The following LCT variants were observed in gnomAD, a reference collection of about 807,000 sequenced individuals.
LCT encodes the protein lactase/phlorizin hydrolase.
In LCT, 90 loss-of-function variants were observed where a neutral mutation model predicts 173.0. That is an observed-to-expected ratio of 0.52 (90% CI 0.44 to 0.62). The LOEUF (loss-of-function observed/expected upper bound fraction) is 0.62. Among genes scored for constraint, LCT ranks in the 20% least tolerant of loss-of-function variants. The probability of loss-of-function intolerance (pLI) is 0.00; values close to 1 mark genes in which losing one functional copy is unlikely to be tolerated. For missense variants in LCT, 1,864 were observed against 2,431.4 expected, an observed-to-expected ratio of 0.77 and a Z score of 4.91; for synonymous variants, 853 against 957.6, an observed-to-expected ratio of 0.89 and a Z score of 2.02.
At chr2:135,812,107 A>G (rs2077738958) in intron 7 of LCT, among the ~76,000 whole-genome samples, 1 of 152,148 alleles carries the variant, frequency 6.6e-6, no homozygotes, top group Non-Finnish European at 1.5e-5. Context: ...AAATAAAACA[A>G]AAAAACCACA....
At chr2:135,814,331 T>G (rs545095278) in intron 6 of LCT, among the ~76,000 whole-genome samples, 2 of 152,086 alleles carry the variant, frequency 1.3e-5, no homozygotes, top group Non-Finnish European at 2.9e-5. Context: ...TTAGCCAGTG[T>G]CAGGAAGGGA....
chr2:135,807,263 G>A lies in LCT; in HGVS notation c.4038C>T (p.Arg1346=), dbSNP rs1369743851. ...AGTACCTGGCGGAGGCTCTTGCTGT[G>A]CGAGGCCTGTTCGTGTTGTTGAAAT... The part of the protein sequence containing the change: ...HVDFNNTNRP[R]TARASARYYT... The change falls in exon 9 of 17, where the codon CGC becomes CGT. Residue 1346 remains arginine, a synonymous_variant. Transcript: ENST00000264162. 5 of 1,614,120 alleles carry A rather than the reference G, an allele frequency of 3.1e-6. No homozygotes were observed. In the African/African-American group the frequency reaches 5.3e-5, roughly 17 times the overall value.
At chr2:135,795,033 A>ATG (rs1553651412) in intron 13 of LCT, among the ~76,000 whole-genome samples, 6 of 148,430 alleles carry the variant, frequency 4.0e-5, no homozygotes, top group Non-Finnish European at 7.5e-5. Flanking sequence ...ACACGCACCC[A>ATG]CGCGCGCGCG....
chr2:135,807,163 C>T lies in LCT; in HGVS notation c.4138G>A (p.Gly1380Ser). Reference protein sequence around the residue: ...DEFLYGRFPEGFIWSAASAAY... With the variant: ...DEFLYGRFPESFIWSAASAAY... ...GCAGAAGCTGCACTCCAGATGAAGC[C>T]CTCAGGAAACCGTCCGTACAGAAAC... The change falls in exon 9 of 17, where the codon GGC becomes AGC. Residue 1380 changes from glycine (G) to serine (S), a missense_variant. Gly to Ser is a moderately conservative substitution (Grantham distance 56). Transcript: ENST00000264162. 1 of 1,614,214 alleles carries T rather than the reference C, an allele frequency of 6.2e-7. No individual in the cohort carries two copies. The highest frequency in any genetic ancestry group is 8.5e-7 in the Non-Finnish European group (1 of 1,180,034).
At chr2:135,795,070 T>C (rs955768779) in intron 13 of LCT, among the ~76,000 whole-genome samples, 9 of 147,756 alleles carry the variant, frequency 6.1e-5, no homozygotes, top group East Asian at 2.0e-4. Context: ...CACACACACA[T>C]GCATAAACAG....
intron 3 of LCT, among the ~76,000 whole-genome samples, chr2:135,825,719 C>G (rs552264250): frequency 6.6e-6 from 1 of 152,156 alleles, no homozygotes; most frequent in Admixed American, 6.5e-5. Context: ...GGGGAGTGGC[C>G]GCTGAGGGCC....
At chr2:135,794,543 G>T (rs1035025667) in intron 14 of LCT, 98 bp downstream of exon 14, 2 of 1,279,750 alleles carry the variant, frequency 1.6e-6, no homozygotes, top group Non-Finnish European at 1.1e-6. Context: ...GGCGTTGGAG[G>T]CCCTGTTTTG....
intron 10 of LCT, 81 bp downstream of exon 10, chr2:135,804,686 T>C (rs2077654068): frequency 7.6e-7 from 1 of 1,312,868 alleles, no homozygotes; most frequent in Non-Finnish European, 1.1e-6. Context: ...CAGCATTTTG[T>C]TTACATGATA....
Position 135,800,794 on chromosome 2 carries a change from G to A in LCT, c.4679C>T (p.Pro1560Leu), listed in dbSNP as rs1463426898. Residue 1560 changes from proline to leucine, a missense_variant, in exon 12 of 17, where the codon CCT becomes CTT. By Grantham distance (98) the Pro-to-Leu change is moderately conservative. Coordinates refer to ENST00000264162, the MANE Select transcript of LCT (RefSeq NM_002299.4). Reference protein sequence around the residue: ...GTAAPGVSNRPGTAPYIVGHN... With the variant: ...GTAAPGVSNRLGTAPYIVGHN... ...GCCAACAATGTAGGGGGCAGTGCCA[G>A]GCCTATTGGAGACTCCTGGAAACAT... The A allele has an allele frequency of 1.2e-6, 2 of 1,613,836 alleles. No homozygotes were observed. The highest frequency in any genetic ancestry group is 1.7e-6 in the Non-Finnish European group (2 of 1,179,746).
intron 10 of LCT, 62 bp from the exon 11 acceptor site, chr2:135,804,190 G>T: frequency 1.5e-6 from 2 of 1,311,682 alleles, no homozygotes; most frequent in Non-Finnish European, 2.2e-6. Flanking sequence ...CCCTAGGTTA[G>T]ATGTGCCAGC....
At position 135,809,447 on chromosome 2, in the gene LCT, C is replaced by T. The variant is rs1328427364; in HGVS notation, c.2900G>A (p.Arg967Gln). Residue 967 changes from arginine to glutamine, a missense_variant, in exon 8 of 17, where the codon CGA (arginine) becomes CAA (glutamine). Physicochemically the swap from Arg to Gln is conservative, Grantham distance 43. Around this residue, in one of 4 missense-constraint regions of LCT, gnomAD observed 755 missense variants for 926.3 expected, o/e 0.82. Coordinates refer to ENST00000264162, the MANE Select transcript of LCT (RefSeq NM_002299.4). The surrounding 1 kb of genome is among the most constrained non-coding windows in gnomAD (Gnocchi z 5.5). Reference protein sequence around the residue: ...HQLDADLNMLRALKVKAYRFS... With the variant: ...HQLDADLNMLQALKVKAYRFS... Reference sequence around the variant, plus strand: ...GCGGTAGGCCTTCACCTTCAAAGCTCGGAGCATATTCAGATCGGCATCCAG... The same window carrying T: ...GCGGTAGGCCTTCACCTTCAAAGCTTGGAGCATATTCAGATCGGCATCCAG... 3 of 1,614,164 alleles carry T rather than the reference C, an allele frequency of 1.9e-6. No individual in the cohort carries two copies. Among genetic ancestry groups the T allele is most frequent in the East Asian group, 2.2e-5 (1 of 44,886 alleles).
chr2:135,805,088 T>G (rs769491072), intron 9 of LCT, 31 bp from the exon 10 acceptor site: 2 of 1,608,656 alleles, frequency 1.2e-6, no homozygotes, highest in East Asian at 4.5e-5. Flanking sequence ...TCTTATTAAG[T>G]CATTCAGTCA....
intron 9 of LCT, among the ~76,000 whole-genome samples, chr2:135,806,363 G>C (rs1322817641): frequency 6.6e-6 from 1 of 152,164 alleles, no homozygotes. Flanking sequence ...AAATGTTACA[G>C]TAAGCTAAGG....
At chr2:135,833,712 T>C (rs372974043) in intron 1 of LCT, among the ~76,000 whole-genome samples, 74 of 151,696 alleles carry the variant, frequency 4.9e-4, no homozygotes, top group African/African-American at 1.6e-3. Context: ...TCCCAAAGTG[T>C]TGGGATTACA....
Position 135,796,953 on chromosome 2 carries a change from T to TG in LCT, c.4976+1075_4976+1076insC, listed in dbSNP as rs535104068. ...AGGTGGGAGCTGGATTTTTTTTTTT[T>TG]TTTTTTTTTTGAGACAAAGAGTCTT... is the stretch of plus-strand genomic sequence containing the variant. On this transcript the variant is annotated intron_variant, in intron 13 of 16. Transcript: ENST00000264162. Among the ~76,000 whole-genome samples, 475 of 150,326 alleles carry TG rather than the reference T, an allele frequency of 3.2e-3. 1 individual carries two copies. The highest frequency in any genetic ancestry group is 0.014 in the Middle Eastern group (4 of 288).
intron 7 of LCT, among the ~76,000 whole-genome samples, chr2:135,812,039 AC>A (rs1356424970): frequency 1.3e-5 from 2 of 152,142 alleles, no homozygotes; most frequent in Non-Finnish European, 2.9e-5. Context: ...TGTTTATGCC[AC>A]CGCACTCCAG....
chr2:135,809,167 C>T lies in LCT; in HGVS notation c.3180G>A (p.Trp1060Ter). The part of the protein sequence containing the change: ...FQTFGDRVKF[W>*]MTFNEPMYLA... Reference sequence around the variant, plus strand: ...GGTACATGGGCTCATTAAAAGTCATCCAAAACTTGACTCTATCACCAAAGG... The same window carrying T: ...GGTACATGGGCTCATTAAAAGTCATTCAAAACTTGACTCTATCACCAAAGG... The change falls in exon 8 of 17, where the codon TGG (tryptophan) becomes TGA (stop). Residue 1060 changes from tryptophan to a stop codon, truncating the protein, a stop_gained. Coordinates refer to ENST00000264162, the MANE Select transcript of LCT (RefSeq NM_002299.4). LOFTEE classifies it high-confidence loss of function. The surrounding 1 kb of genome is among the most constrained non-coding windows in gnomAD (Gnocchi z 5.5). 6.2e-7 allele frequency: 1 copy of T among 1,614,218 alleles called. No homozygotes were observed. The highest frequency in any genetic ancestry group is 8.5e-7 in the Non-Finnish European group (1 of 1,180,042).
In LCT at chr2:135,794,665, G is replaced by T; in HGVS notation, c.5087C>A (p.Ala1696Asp). The stretch of plus-strand genomic sequence containing the variant: ...CCTGTCTGCATCAAAAGAAGAGATG[G>T]CAGTGGCATAGTTGAGGTTGTAGGC... ...VLAYNLNYATAISSFDADRGV... is the reference protein window; with the variant it reads ...VLAYNLNYATDISSFDADRGV... Residue 1696 changes from alanine to aspartate, a missense_variant, in exon 14 of 17, where the codon GCC (alanine) becomes GAC (aspartate). Transcript: ENST00000264162. The T allele has an allele frequency of 1.2e-6, 2 of 1,614,168 alleles. No individual in the cohort carries two copies. Among genetic ancestry groups the T allele is most frequent in the Non-Finnish European group, 1.7e-6 (2 of 1,180,008 alleles).
chr2:135,801,111 G>A (rs1216227446), intron 11 of LCT, among the ~76,000 whole-genome samples: 1 of 152,170 alleles, frequency 6.6e-6, no homozygotes, highest in Admixed American at 6.5e-5. Flanking sequence ...AAGAGGGAAG[G>A]CCACTTGATA....
Sources: allele counts gnomAD v4.1 joint callset (sites outside exome capture counted in the v4.1 genomes callset), GRCh38; gene constraint gnomAD v4.1.1; regional missense constraint gnomAD v4.1.1; non-coding constraint Gnocchi (gnomAD v3.1); transcripts MANE v1.5; gene names NCBI Gene and HGNC (gene_info 2026-07-23, HGNC 2026-07-21).